EML6: variants seen among roughly 807,000 people sequenced by gnomAD.
EML6 encodes the protein EMAP like 6.
EML6 carries 154 observed loss-of-function variants against 240.1 expected under a neutral mutation model. The ratio of observed to expected loss-of-function variants is 0.64; its 90% CI spans 0.56 to 0.73. EML6 has a LOEUF of 0.73. Ranked by LOEUF, EML6 falls within the 30% of genes least tolerant of loss-of-function variation. The pLI is 0.00. For synonymous variants in EML6, 1,148 were observed against 899.0 expected, an observed-to-expected ratio of 1.28 and a Z score of -4.95; for missense variants, 2,964 against 2,474.6, an observed-to-expected ratio of 1.20 and a Z score of -4.20.
intron 2 of EML6, chr2:54,747,237 A>G (rs1683953845): frequency 6.6e-6 from 1 of 152,228 alleles, no homozygotes; most frequent in Non-Finnish European, 1.5e-5. Flanking sequence ...AAAATGCTAC[A>G]CTTGTTTTTC....
At chr2:54,943,405 T>A (rs796689057) in intron 28 of EML6, among the ~76,000 whole-genome samples, 9 of 151,954 alleles carry the variant, frequency 5.9e-5, no homozygotes, top group African/African-American at 2.2e-4. Flanking sequence ...AAAAAATACA[T>A]CCCAGTTTCC....
rs79497035 is a variant in EML6, at chr2:54,853,896, C to G, written c.1657+41C>G. The G allele has an allele frequency of 1.2e-3, 1,612 of 1,358,530 alleles. 20 individuals are homozygous for G. The African/African-American group carries it at 0.02, about 17-fold the overall frequency. 84.2% of individuals were successfully genotyped at this position (1,358,530 alleles called of 1,614,324 possible). A position where few individuals can be genotyped will look rare whatever the true frequency, so the allele number is the denominator to read the frequency against. On this transcript the variant is annotated intron_variant, in intron 11 of 41. Coordinates refer to ENST00000356458, the MANE Select transcript of EML6 (RefSeq NM_001039753.4). Reference sequence around the variant, plus strand: ...ATGTTTCATTGCATAAAGATTTACTCTAAACTGTATACAGTACAATTAAGG... The same window carrying G: ...ATGTTTCATTGCATAAAGATTTACTGTAAACTGTATACAGTACAATTAAGG...
chr2:54,835,586 CTG>C (rs1323063796), intron 7 of EML6, among the ~76,000 whole-genome samples: 3 of 152,174 alleles, frequency 2.0e-5, no homozygotes, highest in Admixed American at 2.0e-4. Flanking sequence ...AGAGAGCAGA[CTG>C]GGGTAGGATA....
chr2:54,750,131 A>T (rs1161436585), intron 2 of EML6, among the ~76,000 whole-genome samples: 1 of 152,200 alleles, frequency 6.6e-6, no homozygotes, highest in African/African-American at 2.4e-5. Flanking sequence ...TCCATCGTGC[A>T]CTGTCCACAA....
intron 10 of EML6, among the ~76,000 whole-genome samples, chr2:54,851,520 A>C (rs1210990093): frequency 2.0e-5 from 3 of 152,220 alleles, no homozygotes; most frequent in African/African-American, 7.2e-5. Context: ...GGATTTGTTG[A>C]AACTGTGGTG....
chr2:54,883,823 T>C (rs1190820061), intron 17 of EML6, among the ~76,000 whole-genome samples: 1 of 152,220 alleles, frequency 6.6e-6, no homozygotes, highest in East Asian at 1.9e-4. Context: ...GTGTTCTTTA[T>C]TTATATATTG....
chr2:54,902,845 G>T (rs1480787830), intron 22 of EML6, among the ~76,000 whole-genome samples, 199 bp from the exon 23 acceptor site: 1 of 152,230 alleles, frequency 6.6e-6, no homozygotes, highest in Non-Finnish European at 1.5e-5. Flanking sequence ...AAAGTGCTGG[G>T]ATTACAGGCA....
intron 26 of EML6, among the ~76,000 whole-genome samples, chr2:54,918,738 T>C (rs1674065167): frequency 6.6e-6 from 1 of 152,244 alleles, no homozygotes; most frequent in Non-Finnish European, 1.5e-5. Context: ...TTTATCCTGG[T>C]CCAAGAAGAC....
intron 14 of EML6, chr2:54,867,314 T>C (rs546967224): frequency 6.1e-4 from 94 of 154,030 alleles, no homozygotes; most frequent in Admixed American, 2.1e-3. Flanking sequence ...TGTAAAATTA[T>C]ATGCACCCTT....
At chr2:54,823,458 G>GT (rs5831319) in intron 5 of EML6, among the ~76,000 whole-genome samples, 3 of 151,954 alleles carry the variant, frequency 2.0e-5, no homozygotes, top group South Asian at 2.1e-4. Context: ...CTATTCCATA[G>GT]TTTTTTTTAG....
In EML6 at chr2:54,906,737, C is replaced by G. The variant is rs1673346273; in HGVS notation, c.3409+3235C>G. On this transcript the variant is annotated intron_variant, in intron 24 of 41. Transcript: ENST00000356458. ...CCTGTGAATCTTCCTTGATCTAACT[C>G]CACTAGCCATGAGACATGTGTCATC... Among the ~76,000 whole-genome samples, 3 of 152,176 alleles carry G rather than the reference C, an allele frequency of 2.0e-5. No individual in the cohort carries two copies. In the South Asian group the frequency reaches 6.2e-4, roughly 32 times the overall value.
At chr2:54,819,098 A>G (rs575665497) in intron 4 of EML6, among the ~76,000 whole-genome samples, 13 of 152,196 alleles carry the variant, frequency 8.5e-5, no homozygotes, top group South Asian at 2.1e-4. Flanking sequence ...AATGGCTGAA[A>G]TGGATACTTG....
At position 54,813,218 on chromosome 2, in the gene EML6, C is replaced by CT. The variant is rs757644242; in HGVS notation, c.198-10dup. On this transcript the variant is annotated splice_polypyrimidine_tract_variant and intron_variant, in intron 2 of 41. Transcript: ENST00000356458. The stretch of plus-strand genomic sequence containing the variant: ...TCAGTTGGAAGATGTGAAAAGAAAC[C>CT]TTTTCTCTTTCAGCCTTGCCTTACA... 2.0e-6 allele frequency: 3 copies of CT among 1,529,318 alleles called. No homozygotes were observed. In the South Asian group the frequency reaches 3.7e-5, roughly 19 times the overall value. The allele number at this position is 1,529,318 out of a possible 1,614,324, so 94.7% of individuals were successfully genotyped here.
intron 7 of EML6, among the ~76,000 whole-genome samples, chr2:54,840,631 G>T (rs1423458812): frequency 6.6e-6 from 1 of 152,128 alleles, no homozygotes; most frequent in Non-Finnish European, 1.5e-5. Flanking sequence ...GAGTAACAAG[G>T]GTGGTATCTT....
intron 7 of EML6, among the ~76,000 whole-genome samples, chr2:54,831,412 G>A (rs546132857): frequency 2.6e-5 from 4 of 151,952 alleles, no homozygotes; most frequent in African/African-American, 9.7e-5. Flanking sequence ...GAGAGTTCAG[G>A]GACCAGTTCT....
At chr2:54,903,754 G>C (rs917857831) in intron 24 of EML6, among the ~76,000 whole-genome samples, 2 of 152,212 alleles carry the variant, frequency 1.3e-5, no homozygotes, top group African/African-American at 4.8e-5. Context: ...GACAGTTAAA[G>C]ATACATGATG....
At chr2:54,885,555 T>C (rs1414126588) in intron 17 of EML6, among the ~76,000 whole-genome samples, 1 of 152,194 alleles carries the variant, frequency 6.6e-6, no homozygotes, top group Non-Finnish European at 1.5e-5. Flanking sequence ...TCTCCCCTAA[T>C]TGTTAACGAT....
chr2:54,825,390 A>G (rs1668537091), intron 5 of EML6, among the ~76,000 whole-genome samples: 2 of 152,112 alleles, frequency 1.3e-5, no homozygotes, highest in South Asian at 4.1e-4. Flanking sequence ...TTTATTCTTT[A>G]TTAAAAAAAA....
chr2:54,900,406 G>A (rs1037296549), intron 22 of EML6, among the ~76,000 whole-genome samples: 11 of 152,248 alleles, frequency 7.2e-5, no homozygotes, highest in Admixed American at 3.3e-4. Flanking sequence ...CTTTAAAATG[G>A]GACTATTTAT....
Sources: gnomAD v4.1 joint callset for allele counts (sites outside exome capture counted in the v4.1 genomes callset) on GRCh38, gnomAD v4.1.1 for gene constraint, MANE v1.5 for transcripts, NCBI Gene and HGNC (gene_info 2026-07-23, HGNC 2026-07-21) for gene names.